The following CARS2 variants were observed in gnomAD, a reference collection of about 807,000 sequenced individuals.
CARS2 encodes the protein probable cysteine--tRNA ligase, mitochondrial.
In CARS2, 52 loss-of-function variants were observed where a neutral mutation model predicts 68.8. The observed-to-expected ratio is 0.76, with a 90% CI of 0.61 to 0.95. The LOEUF is 0.95. CARS2 is among the 40% of genes least tolerant of loss of function. CARS2 has a pLI of 0.00. For missense variants in CARS2, 780 were observed against 754.2 expected, an observed-to-expected ratio of 1.03 and a Z score of -0.40; for synonymous variants, 314 against 303.6, an observed-to-expected ratio of 1.03 and a Z score of -0.36.
At chr13:110,662,361 G>A (rs921166896) in intron 9 of CARS2, among the ~76,000 whole-genome samples, 1 of 148,324 alleles carries the variant, frequency 6.7e-6, no homozygotes, top group African/African-American at 2.5e-5. Flanking sequence ...GCCAGGCTCC[G>A]ACCCCACTGC....
At position 110,693,788 on chromosome 13, in the gene CARS2, A is replaced by T. The variant is rs562662023; in HGVS notation, c.394-5770T>A. ...ATAGACGAGGTAGAAAGGCGCTAAA[A>T]TGGGGTCCTAGTCCTATTTCGGATT... On this transcript the variant is annotated intron_variant, in intron 3 of 14. Transcript: ENST00000257347. Among the ~76,000 whole-genome samples the T allele has an allele frequency of 9.9e-5, 15 of 152,226 alleles. No homozygotes were observed. The South Asian group carries it at 2.9e-3, about 29-fold the overall frequency.
intron 12 of CARS2, 61 bp downstream of exon 12, chr13:110,645,906 C>T (rs1888043774): frequency 6.4e-6 from 10 of 1,572,056 alleles, no homozygotes; most frequent in Non-Finnish European, 8.6e-6. Flanking sequence ...AAAAACCCAC[C>T]AGAGGACCCG....
At chr13:110,712,632 G>C (rs1029334769) in intron 1 of CARS2, 1 of 551,468 alleles carries the variant, frequency 1.8e-6, no homozygotes, top group Non-Finnish European at 3.4e-6. Flanking sequence ...GGAGGGTAGA[G>C]GGGCGACGCG....
Position 110,668,048 on chromosome 13 carries a change from C to T in CARS2, c.786-575G>A, listed in dbSNP as rs2062696912. Among the ~76,000 whole-genome samples the T allele has an allele frequency of 1.3e-5, 2 of 152,240 alleles. No individual in the cohort carries two copies. The highest frequency in any genetic ancestry group is 2.9e-5 in the Non-Finnish European group (2 of 68,044). ...CGAAGCTCTGTCCCTGGACCAGCTG[C>T]AGAAGCATGGCGACGCAGCAGGCCG... is the stretch of plus-strand genomic sequence containing the variant. On this transcript the variant is annotated intron_variant, in intron 7 of 14. Transcript: ENST00000257347. This position sits in a 1 kb window ranked among gnomAD's most constrained non-coding sequence, Gnocchi z 4.1.
At chr13:110,652,503 C>T (rs887713421) in intron 9 of CARS2, among the ~76,000 whole-genome samples, 3 of 152,106 alleles carry the variant, frequency 2.0e-5, no homozygotes, top group East Asian at 1.9e-4. Flanking sequence ...CGGCCTCGCC[C>T]ACCCAGTAGA....
intron 3 of CARS2, among the ~76,000 whole-genome samples, chr13:110,692,997 C>G (rs186690175): frequency 6.7e-6 from 1 of 150,222 alleles, no homozygotes; most frequent in Admixed American, 6.7e-5. Flanking sequence ...GTAATCCCAG[C>G]CATTTGGGAG....
intron 1 of CARS2, chr13:110,712,980 A>C: frequency 1.3e-6 from 2 of 1,556,080 alleles, no homozygotes; most frequent in Non-Finnish European, 1.7e-6. Flanking sequence ...CGGAATGGGT[A>C]GGTCTCCCGC....
chr13:110,696,564 G>T (rs750866033), intron 3 of CARS2, among the ~76,000 whole-genome samples: 1 of 152,116 alleles, frequency 6.6e-6, no homozygotes, highest in Non-Finnish European at 1.5e-5. Flanking sequence ...CATAACTATG[G>T]GTTTCAGATA....
rs1398691405 is a variant in CARS2, at chr13:110,667,238, A to C, written c.919+102T>G. 4 of 1,064,466 alleles carry C rather than the reference A, an allele frequency of 3.8e-6. No individual in the cohort carries two copies. In the African/African-American group the frequency reaches 6.4e-5, roughly 17 times the overall value. The allele number at this position is 1,064,466 out of a possible 1,614,324, so 65.9% of individuals were successfully genotyped here. On this transcript the variant is annotated intron_variant, in intron 8 of 14. Transcript: ENST00000257347. Reference sequence around the variant, plus strand: ...AAGAGGCAAATCCATTTCTTGACCTATTAGCTGATCTACTATGTATTTCCA... The same window carrying C: ...AAGAGGCAAATCCATTTCTTGACCTCTTAGCTGATCTACTATGTATTTCCA...
At chr13:110,642,798 G>A (rs531658304) in intron 13 of CARS2, 70 of 689,100 alleles carry the variant, frequency 1.0e-4, no homozygotes, top group East Asian at 4.4e-4. Context: ...GCTGCATGCC[G>A]CCCCGCCCTG....
At chr13:110,644,201 G>C in intron 13 of CARS2, 184 bp downstream of exon 13, 1 of 1,464,164 alleles carries the variant, frequency 6.8e-7, no homozygotes, top group Non-Finnish European at 9.1e-7. Flanking sequence ...GTAGAATTGT[G>C]CAATTCCAAT....
At chr13:110,663,645 G>A in intron 8 of CARS2, 127 bp from the exon 9 acceptor site, 3 of 1,432,330 alleles carry the variant, frequency 2.1e-6, no homozygotes, top group South Asian at 3.1e-5. Flanking sequence ...GTGTATGTTG[G>A]TATAAATCTG....
At chr13:110,671,541 C>T (rs913327905) in intron 7 of CARS2, among the ~76,000 whole-genome samples, 1 of 152,162 alleles carries the variant, frequency 6.6e-6, no homozygotes, top group Non-Finnish European at 1.5e-5. Context: ...ACCAGGCCTG[C>T]CTTACAAGAG....
chr13:110,709,949 C>T (rs571931085), upstream of CARS2, among the ~76,000 whole-genome samples: 99 of 152,224 alleles, frequency 6.5e-4, no homozygotes, highest in African/African-American at 2.3e-3. Flanking sequence ...AAATCAAGTT[C>T]TCAGTATTAC....
At position 110,644,435 on chromosome 13, in the gene CARS2, AAG is replaced by A; in HGVS notation, c.1364_1365del (p.Ser455LeufsTer3). ...ACAGTTTCAAAAAACTGTTCAAAGT[AAG>A]AGATGATGGCACCAAACACAGCAGG... is the stretch of plus-strand genomic sequence containing the variant. ...RSPAVFGAII[S>X]YFEQFFETVG... is the part of the protein sequence containing the mutation. On this transcript the variant is annotated frameshift_variant, in exon 13 of 15. Coordinates refer to ENST00000257347, the MANE Select transcript of CARS2 (RefSeq NM_024537.4). LOFTEE classifies it high-confidence loss of function. The A allele has an allele frequency of 1.2e-6, 2 of 1,614,100 alleles. No individual in the cohort carries two copies. The highest frequency in any genetic ancestry group is 1.7e-6 in the Non-Finnish European group (2 of 1,180,038).
chr13:110,646,674 G>A (rs1888159804), intron 11 of CARS2: 1 of 173,856 alleles, frequency 5.8e-6, no homozygotes, highest in Non-Finnish European at 1.2e-5. Context: ...TCAGGACTGG[G>A]AGGGATGAGC....
At chr13:110,663,274 C>T (rs1411650010) in intron 9 of CARS2, among the ~76,000 whole-genome samples, 177 bp downstream of exon 9, 3 of 151,678 alleles carry the variant, frequency 2.0e-5, no homozygotes, top group African/African-American at 4.8e-5. Flanking sequence ...CAGCTGAGGG[C>T]GCGATTAGGC....
rs901654564 is a variant in CARS2, at chr13:110,666,178, C to T, written c.919+1162G>A. On this transcript the variant is annotated intron_variant, in intron 8 of 14. Transcript: ENST00000257347. ...AATCAGTGCTCGGCTCCCTGAGGGG[C>T]GATGCCTTAAATATTCCACCACTGG... is the stretch of plus-strand genomic sequence containing the variant. The T allele has an allele frequency of 3.8e-5, 37 of 985,276 alleles. No homozygotes were observed. In the South Asian group the frequency reaches 5.2e-4, roughly 14 times the overall value. 61.0% of individuals were successfully genotyped at this position (985,276 alleles called of 1,614,324 possible). A position where few individuals can be genotyped will look rare whatever the true frequency, so the allele number is the denominator to read the frequency against.
chr13:110,660,555 A>C (rs1285911924), intron 9 of CARS2, among the ~76,000 whole-genome samples: 1 of 152,206 alleles, frequency 6.6e-6, no homozygotes, highest in Non-Finnish European at 1.5e-5. Flanking sequence ...CAGCATAAAA[A>C]CAATATTACT....
Sources: gnomAD v4.1 joint callset for allele counts (sites outside exome capture counted in the v4.1 genomes callset) on GRCh38, gnomAD v4.1.1 for gene constraint, Gnocchi (gnomAD v3.1) non-coding constraint, MANE v1.5 for transcripts, NCBI Gene and HGNC (gene_info 2026-07-23, HGNC 2026-07-21) for gene names.